The following GPC6 variants were observed in gnomAD, a reference collection of about 807,000 sequenced individuals.
GPC6 encodes glypican 6.
GPC6 carries 14 observed loss-of-function variants against 55.2 expected under a neutral mutation model. The observed-to-expected ratio is 0.25, with a 90% CI of 0.17 to 0.40. The LOEUF is 0.40. Ranked by LOEUF, GPC6 falls within the 10% of genes least tolerant of loss-of-function variation. The pLI is 1.00. For synonymous variants in GPC6, 278 were observed against 259.6 expected (o/e 1.07, Z -0.68); for missense variants, 641 against 708.5 (o/e 0.90, Z 1.08).
chr13:93,568,198 A>T (rs953742809), intron 2 of GPC6, among the ~76,000 whole-genome samples: 9 of 152,208 alleles, frequency 5.9e-5, no homozygotes, highest in African/African-American at 2.2e-4. Context: ...CCACTTACCA[A>T]GTAATAGGCT....
intron 2 of GPC6, among the ~76,000 whole-genome samples, chr13:93,584,321 C>T (rs1392651246): frequency 6.6e-6 from 1 of 152,154 alleles, no homozygotes; most frequent in East Asian, 1.9e-4. Context: ...AGCTCAAAGT[C>T]TTCATCAGGT....
At chr13:93,817,702 T>C (rs1260503758) in intron 2 of GPC6, among the ~76,000 whole-genome samples, 1 of 151,664 alleles carries the variant, frequency 6.6e-6, no homozygotes, top group African/African-American at 2.4e-5. Flanking sequence ...CTGCAAAAAA[T>C]ACAAAAATTA....
chr13:93,904,558 G>A (rs1268284213), intron 3 of GPC6, among the ~76,000 whole-genome samples: 1 of 151,916 alleles, frequency 6.6e-6, no homozygotes, highest in Non-Finnish European at 1.5e-5. Context: ...GAGCAATATA[G>A]AAAAACCCGT....
intron 4 of GPC6, among the ~76,000 whole-genome samples, chr13:94,058,960 TA>T (rs1293394926): frequency 1.3e-5 from 2 of 152,224 alleles, no homozygotes; most frequent in Non-Finnish European, 2.9e-5. Flanking sequence ...GTTTATGTTC[TA>T]AGTGTTTTTA....
At chr13:93,482,789 A>G (rs141783218) in intron 1 of GPC6, among the ~76,000 whole-genome samples, 98 of 152,272 alleles carry the variant, frequency 6.4e-4, no homozygotes, top group African/African-American at 2.3e-3. Flanking sequence ...TGTATGAAAC[A>G]AAGAGTTGTG....
Position 93,598,622 on chromosome 13 carries a change from T to C in GPC6, c.319+53201T>C, listed in dbSNP as rs896039619. 3.3e-5 allele frequency among the ~76,000 whole-genome samples: 5 copies of C among 152,220 alleles called. No homozygotes were observed. The South Asian group carries it at 8.3e-4, about 25-fold the overall frequency. ...TGGTTGAATATGGCATTATTAAACC[T>C]ACTTTTGAGATGCAGAAAAGTGAGG... On this transcript the variant is annotated intron_variant, in intron 2 of 8. Transcript: ENST00000377047.
At chr13:93,788,253 A>G (rs192399916) in intron 2 of GPC6, among the ~76,000 whole-genome samples, 2 of 152,204 alleles carry the variant, frequency 1.3e-5, no homozygotes, top group African/African-American at 4.8e-5. Context: ...CTGGAGGGTA[A>G]GAATGCTATG....
chr13:93,579,045 A>T (rs1268596232), intron 2 of GPC6, among the ~76,000 whole-genome samples: 1 of 152,126 alleles, frequency 6.6e-6, no homozygotes, highest in African/African-American at 2.4e-5. Context: ...GAGCTAAAAA[A>T]CTAGATTTCG....
chr13:94,031,069 CGTGT>C (rs2138725267), intron 4 of GPC6, among the ~76,000 whole-genome samples: 1 of 146,084 alleles, frequency 6.8e-6, no homozygotes, highest in Non-Finnish European at 1.5e-5. Flanking sequence ...TGTGCATGTG[CGTGT>C]GCGTGTGCGT....
At chr13:93,484,121 C>G (rs771947922) in intron 1 of GPC6, among the ~76,000 whole-genome samples, 24 of 151,836 alleles carry the variant, frequency 1.6e-4, no homozygotes, top group Non-Finnish European at 3.2e-4. Context: ...CTTATGGATC[C>G]AGGGTGTGTT....
At chr13:93,970,395 A>T (rs1276709562) in intron 3 of GPC6, among the ~76,000 whole-genome samples, 3 of 152,218 alleles carry the variant, frequency 2.0e-5, no homozygotes, top group African/African-American at 7.2e-5. Flanking sequence ...GGGAGCAGTA[A>T]TTGAGAGTTG....
intron 3 of GPC6, among the ~76,000 whole-genome samples, chr13:93,873,708 A>G (rs1222663965): frequency 1.3e-5 from 2 of 151,990 alleles, no homozygotes; most frequent in African/African-American, 2.4e-5. Context: ...CATAATGAAT[A>G]CAACGTATTA....
At chr13:94,034,827 G>C (rs1057138639) in intron 4 of GPC6, among the ~76,000 whole-genome samples, 3 of 151,772 alleles carry the variant, frequency 2.0e-5, no homozygotes, top group Admixed American at 2.0e-4. Flanking sequence ...GCAATGGTCT[G>C]AAATGAGGCA....
chr13:93,666,128 A>G (rs982666812), intron 2 of GPC6, among the ~76,000 whole-genome samples: 25 of 152,204 alleles, frequency 1.6e-4, no homozygotes, highest in Non-Finnish European at 3.2e-4. Flanking sequence ...TACTGAATAC[A>G]TGTGGATTTA....
intron 4 of GPC6, among the ~76,000 whole-genome samples, chr13:94,141,947 C>G (rs28587894): frequency 0.033 from 4,958 of 152,164 alleles, 262 homozygotes; most frequent in African/African-American, 0.11. Flanking sequence ...CCTTTACTTC[C>G]CTCCCTTGTT....
intron 6 of GPC6, among the ~76,000 whole-genome samples, chr13:94,356,827 G>A (rs559048881): frequency 1.2e-4 from 18 of 152,206 alleles, no homozygotes; most frequent in African/African-American, 2.9e-4. Flanking sequence ...GTTTGAGCCC[G>A]GGAGTTCAAA....
chr13:93,236,590 G>A (rs191350699), intron 1 of GPC6, among the ~76,000 whole-genome samples: 65 of 152,296 alleles, frequency 4.3e-4, no homozygotes, highest in African/African-American at 1.4e-3. Context: ...GAAATCTATC[G>A]TGAACTGTGC....
chr13:93,241,225 T>A (rs763453607), intron 1 of GPC6, among the ~76,000 whole-genome samples: 20 of 152,238 alleles, frequency 1.3e-4, no homozygotes, highest in Non-Finnish European at 2.8e-4. Context: ...TTCCCTCAAA[T>A]AGGTTTTCCA....
chr13:93,335,420 C>T (rs1195889396), intron 1 of GPC6, among the ~76,000 whole-genome samples: 1 of 152,102 alleles, frequency 6.6e-6, no homozygotes, highest in Non-Finnish European at 1.5e-5. Context: ...GTGTTACCAT[C>T]CTTAGTTTGA....
Sources: gnomAD v4.1 joint callset for allele counts (sites outside exome capture counted in the v4.1 genomes callset) on GRCh38, gnomAD v4.1.1 for gene constraint, MANE v1.5 for transcripts, NCBI Gene and HGNC (gene_info 2026-07-23, HGNC 2026-07-21) for gene names.